ANAPC1: variants seen among roughly 807,000 people sequenced by gnomAD.
ANAPC1 encodes anaphase promoting complex subunit 1, also known as anaphase-promoting complex subunit 1.
A neutral mutation model predicts 208.0 loss-of-function variants in ANAPC1; 36 were observed. The ratio of observed to expected loss-of-function variants is 0.17; its 90% CI spans 0.13 to 0.23. ANAPC1 has a LOEUF of 0.23. Ranked by LOEUF, ANAPC1 falls within the 10% of genes least tolerant of loss-of-function variation. The pLI, the probability that ANAPC1 is intolerant of heterozygous loss-of-function variation, is 1.00. For missense variants in ANAPC1, 942 were observed against 2,011.6 expected (o/e 0.47, Z 10.17); for synonymous variants, 378 against 695.2 (o/e 0.54, Z 7.18).
chr2:111,828,303 G>A (rs1679945882), intron 21 of ANAPC1, among the ~76,000 whole-genome samples: 1 of 152,150 alleles, frequency 6.6e-6, no homozygotes, highest in African/African-American at 2.4e-5. Context: ...CAAGACCGTA[G>A]AGAAATTGGA....
chr2:111,783,209 A>G (rs2685995), intron 42 of ANAPC1, among the ~76,000 whole-genome samples: 14 of 152,288 alleles, frequency 9.2e-5, no homozygotes, highest in African/African-American at 3.4e-4. Flanking sequence ...TCTTTTGTGC[A>G]TGTACAAATC....
Position 111,858,298 on chromosome 2 carries a change from A to G in ANAPC1, c.1358+8T>C. 2 of 1,558,148 alleles carry G rather than the reference A, an allele frequency of 1.3e-6. No homozygotes were observed. The highest frequency in any genetic ancestry group is 1.8e-6 in the Non-Finnish European group (2 of 1,133,110). ...TATACAGAAACAATGGGAAAGACAT[A>G]CACCTACCGTAACTGGAGCTGGGAC... On this transcript the variant is annotated splice_region_variant and intron_variant, in intron 11 of 47. Transcript: ENST00000341068.
At chr2:111,777,466 A>G (rs1237630495) in intron 45 of ANAPC1, among the ~76,000 whole-genome samples, 2 of 151,238 alleles carry the variant, frequency 1.3e-5, no homozygotes, top group Admixed American at 1.3e-4. Context: ...TCTGCAAGTC[A>G]CTACAGCTGC....
intron 14 of ANAPC1, among the ~76,000 whole-genome samples, chr2:111,849,064 T>C (rs1047210045): frequency 5.9e-5 from 9 of 152,248 alleles, no homozygotes; most frequent in African/African-American, 2.2e-4. Flanking sequence ...TCAATTTATA[T>C]ATCTCTAAGT....
intron 42 of ANAPC1, 41 bp from the exon 43 acceptor site, chr2:111,782,548 C>A (rs1366821098): frequency 5.6e-6 from 9 of 1,611,426 alleles, no homozygotes; most frequent in Non-Finnish European, 7.6e-6. Context: ...GTATTACTGG[C>A]AGTTCTTGGC....
At chr2:111,879,723 T>C (rs1450981048) in intron 2 of ANAPC1, among the ~76,000 whole-genome samples, 1 of 151,664 alleles carries the variant, frequency 6.6e-6, no homozygotes, top group Non-Finnish European at 1.5e-5. Flanking sequence ...AAATACAAAA[T>C]TAGCTGGGCG....
In ANAPC1 at chr2:111,778,746, A is replaced by C. The variant is rs763049847; in HGVS notation, c.5314T>G (p.Ser1772Ala). The stretch of plus-strand genomic sequence containing the variant: ...GTAACACATTCATAGAGTACTGAAG[A>C]AAAGAGATCCAGAATTTCCTGTTTC... Reference protein sequence around the residue: ...GQKQEILDLFSSVLYECVTQE... With the variant: ...GQKQEILDLFASVLYECVTQE... Residue 1772 changes from serine (S) to alanine (A), a missense_variant, in exon 45 of 48, where the codon TCT becomes GCT. Ser to Ala is a moderately conservative substitution (Grantham distance 99). Coordinates refer to ENST00000341068, the MANE Select transcript of ANAPC1 (RefSeq NM_022662.4). The C allele has an allele frequency of 6.2e-7, 1 of 1,606,644 alleles. No homozygotes were observed.
At chr2:111,831,564 G>A in intron 20 of ANAPC1, 130 bp from the exon 21 acceptor site, 1 of 850,462 alleles carries the variant, frequency 1.2e-6, no homozygotes, top group Non-Finnish European at 1.8e-6. Context: ...TTCCAGCTGG[G>A]TGCAGTGGCT....
At chr2:111,878,372 AAC>A in intron 3 of ANAPC1, among the ~76,000 whole-genome samples, 1 of 152,354 alleles carries the variant, frequency 6.6e-6, no homozygotes, top group African/African-American at 2.4e-5. Context: ...CAACTTTCAG[AAC>A]AGTTAGTTAT....
chr2:111,794,781 A>G, intron 35 of ANAPC1, 37 bp downstream of exon 35: 1 of 897,616 alleles, frequency 1.1e-6, no homozygotes, highest in Non-Finnish European at 1.7e-6. Context: ...TATCTGATAG[A>G]CGCTAGGATA....
intron 46 of ANAPC1, among the ~76,000 whole-genome samples, chr2:111,775,951 G>T (rs1430189966): frequency 6.6e-6 from 1 of 152,272 alleles, no homozygotes; most frequent in East Asian, 1.9e-4. Context: ...AACATGGAGA[G>T]TCTGAAATCA....
intron 20 of ANAPC1, among the ~76,000 whole-genome samples, chr2:111,831,826 CAAAAAAAAAAA>C (rs34008628): frequency 3.4e-5 from 1 of 29,038 alleles, no homozygotes; most frequent in Non-Finnish European, 5.5e-5. Context: ...GACTCTGTCT[CAAAAAAAAAAA>C]AAAAAAAAAG....
intron 10 of ANAPC1, among the ~76,000 whole-genome samples, chr2:111,861,260 G>A (rs909962570): frequency 4.6e-5 from 7 of 152,166 alleles, no homozygotes; most frequent in Non-Finnish European, 8.8e-5. Context: ...ATTTGTAGTA[G>A]ACATGGGGTT....
At position 111,843,593 on chromosome 2, in the gene ANAPC1, G is replaced by T; in HGVS notation, c.1859C>A (p.Thr620Lys). Reference sequence around the variant, plus strand: ...GATAAACTTAATTGCTTGCAAACACGTTTGTACTATTAAAAGCAAAGATTA... The same window carrying T: ...GATAAACTTAATTGCTTGCAAACACTTTTGTACTATTAAAAGCAAAGATTA... Reference protein sequence around the residue: ...PEIATSELVQTCLQAIKFILP... With the variant: ...PEIATSELVQKCLQAIKFILP... Residue 620 changes from threonine (T) to lysine (K), a missense_variant, in exon 17 of 48, where the codon ACG becomes AAG. Physicochemically the swap from Thr to Lys is moderately conservative, Grantham distance 78. Coordinates refer to ENST00000341068, the MANE Select transcript of ANAPC1 (RefSeq NM_022662.4). The T allele has an allele frequency of 6.2e-7, 1 of 1,608,752 alleles. No homozygotes were observed. The highest frequency in any genetic ancestry group is 8.5e-7 in the Non-Finnish European group (1 of 1,177,892).
chr2:111,856,676 T>C lies in ANAPC1; in HGVS notation c.1453A>G (p.Ile485Val), dbSNP rs764880663. Residue 485 changes from isoleucine to valine, a missense_variant, in exon 13 of 48, where the codon ATA becomes GTA. Ile to Val is a conservative substitution (Grantham distance 29, BLOSUM62 3). Coordinates refer to ENST00000341068, the MANE Select transcript of ANAPC1 (RefSeq NM_022662.4). ...PAKDAAPVEKIDTMLVLEGSG... is the reference protein window; with the variant it reads ...PAKDAAPVEKVDTMLVLEGSG... ...CCTTCCAAGACCAGCATGGTGTCTA[T>C]TTTCTAAAAAAACAAAAAAGACAAA... The C allele has an allele frequency of 6.2e-5, 100 of 1,613,786 alleles. No individual in the cohort carries two copies. In the Middle Eastern group the frequency reaches 9.9e-4, roughly 16 times the overall value.
rs576174962 is a variant in ANAPC1 at position 111,836,275 on chromosome 2, G to C, written c.2116-1403C>G. 4.0e-5 allele frequency among the ~76,000 whole-genome samples: 6 copies of C among 151,516 alleles called. No individual in the cohort carries two copies. In the South Asian group the frequency reaches 1.3e-3, roughly 32 times the overall value. On this transcript the variant is annotated intron_variant, in intron 18 of 47. Transcript: ENST00000341068. ...CCCTCAAAGTGCTGTGATTACAGGC[G>C]TGAATTTTCATTTAAAAGAAATTAA...
In ANAPC1 at chr2:111,783,978, C is replaced by G. The variant is rs557338993; in HGVS notation, c.4996-14G>C. ...TTTTACTTTAATCTGTCAAGATAAA[C>G]GTAAACATAGTCAACCCAAAGCTGA... On this transcript the variant is annotated splice_polypyrimidine_tract_variant and intron_variant, in intron 41 of 47. Coordinates refer to ENST00000341068, the MANE Select transcript of ANAPC1 (RefSeq NM_022662.4). 1.2e-5 allele frequency: 9 copies of G among 722,200 alleles called. No homozygotes were observed. In the Admixed American group the frequency reaches 1.9e-4, roughly 16 times the overall value. The allele number at this position is 722,200 out of a possible 1,614,324, so 44.7% of individuals were successfully genotyped here. A position where few individuals can be genotyped will look rare whatever the true frequency, so the allele number is the denominator to read the frequency against.
At chr2:111,852,912 CAGG>C (rs1207458754) in intron 13 of ANAPC1, among the ~76,000 whole-genome samples, 15 of 152,058 alleles carry the variant, frequency 9.9e-5, no homozygotes, top group Admixed American at 5.2e-4. Context: ...TCGCTTGAGT[CAGG>C]AGGTCATGGG....
Position 111,863,910 on chromosome 2 carries a change from AAGAG to A in ANAPC1, c.832-19_832-16del. 1.9e-6 allele frequency: 3 copies of A among 1,558,974 alleles called. No homozygotes were observed. The highest frequency in any genetic ancestry group is 1.2e-5 in the South Asian group (1 of 82,664). On this transcript the variant is annotated splice_polypyrimidine_tract_variant and intron_variant, in intron 8 of 47. Transcript: ENST00000341068. ...ACATTCTCTTCCTTAAGTCAAAATA[AAGAG>A]AAAGAGGAAAAAAAAAAAAACAATA... is the stretch of plus-strand genomic sequence containing the variant.
Sources: gnomAD v4.1 joint callset for allele counts (sites outside exome capture counted in the v4.1 genomes callset) on GRCh38, gnomAD v4.1.1 for gene constraint, MANE v1.5 for transcripts, NCBI Gene and HGNC (gene_info 2026-07-23, HGNC 2026-07-21) for gene names.